Variants in TBK1 observed in about 807,000 individuals in gnomAD.
The protein encoded by TBK1 is TANK binding kinase 1, also known as serine/threonine-protein kinase TBK1.
In TBK1, 37 loss-of-function variants were observed where a neutral mutation model predicts 99.9. That is an observed-to-expected ratio of 0.37 (90% CI 0.28 to 0.49). TBK1 has a LOEUF of 0.49. TBK1 is among the 20% of genes least tolerant of loss of function. The pLI is 0.98. For synonymous variants in TBK1, 258 were observed against 279.8 expected (o/e 0.92, Z 0.78); for missense variants, 644 against 872.5 (o/e 0.74, Z 3.30).
rs1440114810 is a variant in TBK1 at position 64,501,900 on chromosome 12, C to A, written c.*519C>A. On this transcript the variant is annotated 3_prime_UTR_variant, in exon 21 of 21. Coordinates refer to ENST00000331710, the MANE Select transcript of TBK1 (RefSeq NM_013254.4). ...TTTATTTTACAAGGTGCCCAGATCC[C>A]AGTTATCCTTGTATCCATGTAATTT... The A allele has an allele frequency of 6.6e-6, 1 of 152,546 alleles. No homozygotes were observed. Among genetic ancestry groups the A allele is most frequent in the Non-Finnish European group, 1.5e-5 (1 of 68,102 alleles). 9.4% of individuals were successfully genotyped at this position (152,546 alleles called of 1,614,324 possible).
intron 5 of TBK1, among the ~76,000 whole-genome samples, chr12:64,470,328 TAAA>T (rs1220816724): frequency 1.3e-5 from 2 of 152,260 alleles, no homozygotes; most frequent in African/African-American, 4.8e-5. Context: ...TATTTTATAA[TAAA>T]ATAATAGATA....
At position 64,501,416 on chromosome 12, in the gene TBK1, G is replaced by C; in HGVS notation, c.*35G>C. ...AGAAGTTTAAGAAAAGTTTCCGTTT[G>C]CACAAGAAAATAACGCTTGGGCATT... On this transcript the variant is annotated 3_prime_UTR_variant, in exon 21 of 21. Coordinates refer to ENST00000331710, the MANE Select transcript of TBK1 (RefSeq NM_013254.4). 6.2e-7 allele frequency: 1 copy of C among 1,607,042 alleles called. No homozygotes were observed. The highest frequency in any genetic ancestry group is 8.5e-7 in the Non-Finnish European group (1 of 1,177,048).
Position 64,481,943 on chromosome 12 carries a change from T to C in TBK1, c.914T>C (p.Ile305Thr), listed in dbSNP as rs770942184. ...FDQFFAETSD[I>T]LHRMVIHVFS... ...CAGTTTTTTGCAGAAACTAGTGATA[T>C]ACTTCACCGAATGGTAATTCATGTT... Residue 305 changes from isoleucine (I) to threonine (T), a missense_variant, in exon 8 of 21, where the codon ATA becomes ACA. Physicochemically the swap from Ile to Thr is moderately conservative, Grantham distance 89 (BLOSUM62 -1). Coordinates refer to ENST00000331710, the MANE Select transcript of TBK1 (RefSeq NM_013254.4). The C allele has an allele frequency of 6.2e-6, 10 of 1,610,930 alleles. No individual in the cohort carries two copies. Among genetic ancestry groups the C allele is most frequent in the Non-Finnish European group, 6.8e-6 (8 of 1,178,578 alleles).
chr12:64,463,877 T>G (rs2040575710), intron 3 of TBK1, among the ~76,000 whole-genome samples: 1 of 151,554 alleles, frequency 6.6e-6, no homozygotes, highest in South Asian at 2.1e-4. Context: ...TTTGTTTTTT[T>G]TTTTTGAGAT....
chr12:64,463,288 A>G (rs1202674916), intron 3 of TBK1, among the ~76,000 whole-genome samples: 1 of 151,592 alleles, frequency 6.6e-6, no homozygotes, highest in Non-Finnish European at 1.5e-5. Context: ...AGGAGAATGG[A>G]GAGTGGCGTG....
chr12:64,485,697 A>G (rs2040814102), intron 10 of TBK1, 184 bp downstream of exon 10: 4 of 452,364 alleles, frequency 8.8e-6, no homozygotes, highest in Non-Finnish European at 1.5e-5. Context: ...CCTTTCTTGA[A>G]TTCATTATAT....
At chr12:64,459,326 T>C (rs560266075) in intron 2 of TBK1, among the ~76,000 whole-genome samples, 3 of 152,346 alleles carry the variant, frequency 2.0e-5, no homozygotes, top group African/African-American at 7.2e-5. Flanking sequence ...TGAGAGGGTC[T>C]GAAAGACAAT....
At chr12:64,467,709 T>C (rs1036356811) in intron 5 of TBK1, among the ~76,000 whole-genome samples, 2 of 152,210 alleles carry the variant, frequency 1.3e-5, no homozygotes, top group Non-Finnish European at 2.9e-5. Context: ...TTAAAAGTCA[T>C]AGAATCAATG....
chr12:64,470,095 T>C, intron 5 of TBK1, among the ~76,000 whole-genome samples: 1 of 152,118 alleles, frequency 6.6e-6, no homozygotes, highest in African/African-American at 2.4e-5. Flanking sequence ...TACTGGAATT[T>C]AGTGAGTAAA....
At chr12:64,494,073 C>CT (rs2040899986) in intron 13 of TBK1, among the ~76,000 whole-genome samples, 1 of 152,108 alleles carries the variant, frequency 6.6e-6, no homozygotes, top group African/African-American at 2.4e-5. Flanking sequence ...TTTCCATAAA[C>CT]TATTTTCCAT....
At chr12:64,462,712 T>C (rs1281464484) in intron 3 of TBK1, among the ~76,000 whole-genome samples, 1 of 152,032 alleles carries the variant, frequency 6.6e-6, no homozygotes, top group Middle Eastern at 3.2e-3. Context: ...AAACAAAGGA[T>C]AAAAAGTTGG....
intron 3 of TBK1, among the ~76,000 whole-genome samples, chr12:64,461,426 T>C (rs2040547503): frequency 6.6e-6 from 1 of 152,130 alleles, no homozygotes; most frequent in Admixed American, 6.5e-5. Context: ...TGGGAAAAAA[T>C]GTAGTTTATA....
rs1401892756 is a variant in TBK1, at chr12:64,474,346, G to A, written c.657G>A (p.Leu219=). The A allele has an allele frequency of 2.5e-6, 4 of 1,614,034 alleles. No homozygotes were observed. Among genetic ancestry groups the A allele is most frequent in the South Asian group, 2.2e-5 (2 of 91,076 alleles). ...VTFYHAATGS[L]PFRPFEGPRR... Reference sequence around the variant, plus strand: ...TTTACCATGCAGCTACTGGATCACTGCCATTTAGACCCTTTGAAGGGCCTC... The same window carrying A: ...TTTACCATGCAGCTACTGGATCACTACCATTTAGACCCTTTGAAGGGCCTC... The change falls in exon 6 of 21, where the codon CTG becomes CTA. Residue 219 remains leucine, a synonymous_variant. Transcript: ENST00000331710.
chr12:64,460,524 T>C (rs1016521025), intron 3 of TBK1, among the ~76,000 whole-genome samples, 195 bp downstream of exon 3: 7 of 151,622 alleles, frequency 4.6e-5, no homozygotes, highest in Non-Finnish European at 8.8e-5. Context: ...GAAACAGTAG[T>C]GTAAGAAATA....
At chr12:64,454,472 C>T (rs1033803602) in intron 1 of TBK1, among the ~76,000 whole-genome samples, 1 of 151,868 alleles carries the variant, frequency 6.6e-6, no homozygotes, top group African/African-American at 2.4e-5. Flanking sequence ...TGGTCTCGAA[C>T]TCCTGACCTT....
At chr12:64,499,037 C>CTTTT (rs763709411) in intron 20 of TBK1, among the ~76,000 whole-genome samples, 3,113 of 79,198 alleles carry the variant, frequency 0.039, 204 homozygotes, top group African/African-American at 0.096. Flanking sequence ...TAATTTTATT[C>CTTTT]TTTTTTTTTT....
At chr12:64,456,055 C>G (rs2040484165) in intron 2 of TBK1, 98 bp downstream of exon 2, 10 of 859,256 alleles carry the variant, frequency 1.2e-5, no homozygotes, top group Non-Finnish European at 1.6e-5. Context: ...TGATTTTGAT[C>G]CCTTTGTCTG....
At chr12:64,492,711 A>G (rs540523015) in intron 13 of TBK1, among the ~76,000 whole-genome samples, 4 of 151,374 alleles carry the variant, frequency 2.6e-5, no homozygotes, top group African/African-American at 7.3e-5. Flanking sequence ...TTTTCCGTAG[A>G]TATCATTTTT....
intron 1 of TBK1, among the ~76,000 whole-genome samples, chr12:64,454,767 C>T (rs1179202655): frequency 1.3e-5 from 2 of 149,248 alleles, no homozygotes; most frequent in Admixed American, 1.3e-4. Flanking sequence ...AGCTCCGCCT[C>T]CCGGGTTCCC....
Sources: allele counts gnomAD v4.1 joint callset (sites outside exome capture counted in the v4.1 genomes callset), GRCh38; gene constraint gnomAD v4.1.1; transcripts MANE v1.5; gene names NCBI Gene and HGNC (gene_info 2026-07-23, HGNC 2026-07-21).